Variants in ADGRF4 observed in about 807,000 individuals in gnomAD.
ADGRF4 encodes adhesion G protein-coupled receptor F4, also known as G-protein coupled receptor PGR18.
ADGRF4 carries 63 observed loss-of-function variants against 58.5 expected under a neutral mutation model. The ratio of observed to expected loss-of-function variants is 1.08; its 90% CI spans 0.88 to 1.33. ADGRF4 has a LOEUF of 1.33. Among genes scored for constraint, ADGRF4 ranks in the 40% most tolerant of loss-of-function variants. The probability of loss-of-function intolerance (pLI) is 0.00; values close to 1 mark genes in which losing one functional copy is unlikely to be tolerated. For missense variants in ADGRF4, 931 were observed against 843.9 expected (o/e 1.10, Z -1.28); for synonymous variants, 313 against 295.4 (o/e 1.06, Z -0.61).
intron 1 of ADGRF4, among the ~76,000 whole-genome samples, chr6:47,703,528 T>C (rs1237590920): frequency 2.6e-5 from 4 of 152,230 alleles, no homozygotes; most frequent in Non-Finnish European, 5.9e-5. Context: ...TTGGGTAATG[T>C]CACTGAATAT....
Position 47,708,229 on chromosome 6 carries a change from A to T in ADGRF4, c.99A>T (p.Gly33=), listed in dbSNP as rs754151158. The T allele has an allele frequency of 6.2e-7, 1 of 1,611,740 alleles. No individual in the cohort carries two copies. Among genetic ancestry groups the T allele is most frequent in the Non-Finnish European group, 8.5e-7 (1 of 1,177,898 alleles). The change falls in exon 3 of 10, where the codon GGA becomes GGT. Residue 33 remains glycine (G), a synonymous_variant. Transcript: ENST00000283303. ...HYRSKIHLKA[G]DKLQSPEGKP... ...TGGGAATTTATATTTTTCAGGCTGG[A>T]GATAAACTTCAAAGCCCTGAAGGGA... is the stretch of plus-strand genomic sequence containing the variant.
intron 1 of ADGRF4, among the ~76,000 whole-genome samples, chr6:47,699,936 C>T (rs367661741): frequency 9.0e-6 from 1 of 111,552 alleles, no homozygotes. Flanking sequence ...ACGACACACC[C>T]CCCCCCCCAA....
chr6:47,721,020 C>T (rs1251973433), intron 9 of ADGRF4, among the ~76,000 whole-genome samples, 189 bp from the exon 10 acceptor site: 2 of 152,094 alleles, frequency 1.3e-5, no homozygotes, highest in African/African-American at 4.8e-5. Context: ...CTGGGAGAAT[C>T]GCCTTTTTAC....
chr6:47,700,002 G>C (rs915455224), intron 1 of ADGRF4, among the ~76,000 whole-genome samples: 1 of 151,804 alleles, frequency 6.6e-6, no homozygotes, highest in African/African-American at 2.4e-5. Flanking sequence ...TCTTTGGATT[G>C]GTTGTTCCCA....
intron 1 of ADGRF4, among the ~76,000 whole-genome samples, chr6:47,704,793 A>C (rs1771668472): frequency 6.6e-6 from 1 of 152,202 alleles, no homozygotes; most frequent in South Asian, 2.1e-4. Flanking sequence ...TTTACATAAA[A>C]ATCGTAAAGA....
At chr6:47,713,730 T>C in intron 5 of ADGRF4, 68 bp from the exon 6 acceptor site, 2 of 1,274,854 alleles carry the variant, frequency 1.6e-6, no homozygotes, top group Non-Finnish European at 2.1e-6. Flanking sequence ...AAATTTCAGG[T>C]TTTAGAAATC....
chr6:47,707,243 T>A lies in ADGRF4; in HGVS notation c.-3T>A. The A allele has an allele frequency of 1.3e-6, 2 of 1,596,742 alleles. No homozygotes were observed. The highest frequency in any genetic ancestry group is 8.6e-7 in the Non-Finnish European group (1 of 1,164,218). On this transcript the variant is annotated 5_prime_UTR_variant, in exon 2 of 10. An upstream start codon of the reference 5' UTR is lost. Coordinates refer to ENST00000283303, the MANE Select transcript of ADGRF4 (RefSeq NM_153838.5). ...TCTCTATTGCAGGTGAAGATCCTCA[T>A]GTATGAAAATGAAGTCCCAGGCAAC... is the stretch of plus-strand genomic sequence containing the variant.
rs1267656530 is a variant in ADGRF4 at position 47,715,013 on chromosome 6, G to A, written c.1768G>A (p.Gly590Ser). The part of the protein sequence containing the change: ...VAVNTQRPSI[G>S]SSKSQDVVII... ...TGTCAACACTCAGAGGCCCTCTATT[G>A]GCAGTTCCAAGTCTCAGGATGTGGT... The change falls in exon 6 of 10, where the codon GGC becomes AGC. Residue 590 changes from glycine to serine, a missense_variant. Gly to Ser is a moderately conservative substitution (Grantham distance 56, BLOSUM62 0). Coordinates refer to ENST00000283303, the MANE Select transcript of ADGRF4 (RefSeq NM_153838.5). The A allele has an allele frequency of 1.9e-6, 3 of 1,613,156 alleles. No individual in the cohort carries two copies. The highest frequency in any genetic ancestry group is 1.1e-5 in the South Asian group (1 of 91,072).
chr6:47,699,305 G>T (rs1351903070), intron 1 of ADGRF4, among the ~76,000 whole-genome samples: 1 of 152,212 alleles, frequency 6.6e-6, no homozygotes, highest in African/African-American at 2.4e-5. Flanking sequence ...CTACTTGAAG[G>T]TCTATATTCC....
At position 47,707,268 on chromosome 6, in the gene ADGRF4, C is replaced by T; in HGVS notation, c.23C>T (p.Thr8Ile). Residue 8 changes from threonine (T) to isoleucine (I), a missense_variant, in exon 2 of 10, where the codon ACC becomes ATC. Coordinates refer to ENST00000283303, the MANE Select transcript of ADGRF4 (RefSeq NM_153838.5). MKMKSQATMICCLVFFLS... is the reference protein window; with the variant it reads MKMKSQAIMICCLVFFLS... ...TGTATGAAAATGAAGTCCCAGGCAA[C>T]CATGATTTGCTGCTTAGTGTTCTTT... 2 of 1,612,818 alleles carry T rather than the reference C, an allele frequency of 1.2e-6. No homozygotes were observed. The highest frequency in any genetic ancestry group is 1.7e-6 in the Non-Finnish European group (2 of 1,178,832).
intron 2 of ADGRF4, among the ~76,000 whole-genome samples, chr6:47,707,848 T>C (rs948579557): frequency 6.6e-6 from 1 of 152,232 alleles, no homozygotes; most frequent in Non-Finnish European, 1.5e-5. Context: ...CTACAGTATC[T>C]GGTGGACCAC....
intron 1 of ADGRF4, among the ~76,000 whole-genome samples, chr6:47,701,477 C>A (rs1771587215): frequency 6.6e-6 from 1 of 152,128 alleles, no homozygotes; most frequent in South Asian, 2.1e-4. Context: ...TGTGGAGCTG[C>A]CCTTATTGGG....
chr6:47,710,400 T>TA (rs1217416149), intron 3 of ADGRF4, among the ~76,000 whole-genome samples: 1 of 152,242 alleles, frequency 6.6e-6, no homozygotes, highest in African/African-American at 2.4e-5. Flanking sequence ...TGTCTTCTGG[T>TA]AACTCCCACA....
intron 6 of ADGRF4, 42 bp downstream of exon 6, chr6:47,715,219 G>A (rs1486402624): frequency 7.3e-7 from 1 of 1,375,602 alleles, no homozygotes; most frequent in South Asian, 1.4e-5. Context: ...ACTCCGACTA[G>A]ACCACAAAAA....
In ADGRF4 at chr6:47,718,446, G is replaced by C; in HGVS notation, c.*3+1G>C. On this transcript the variant is annotated splice_donor_variant, in intron 9 of 9. Coordinates refer to ENST00000283303, the MANE Select transcript of ADGRF4 (RefSeq NM_153838.5). LOFTEE classifies it low-confidence loss of function (3UTR_SPLICE). ...ATTAATGAATCGTCAAGGATGAAATGTGAGTATTAAAAATATAAAGAGAAA... is the reference window on the plus strand; with the variant it reads ...ATTAATGAATCGTCAAGGATGAAATCTGAGTATTAAAAATATAAAGAGAAA... The C allele has an allele frequency of 6.5e-7, 1 of 1,540,050 alleles. No individual in the cohort carries two copies. The highest frequency in any genetic ancestry group is 2.2e-5 in the East Asian group (1 of 44,542).
chr6:47,701,780 T>C (rs1175098660), intron 1 of ADGRF4, among the ~76,000 whole-genome samples: 1 of 152,218 alleles, frequency 6.6e-6, no homozygotes, highest in Non-Finnish European at 1.5e-5. Context: ...GATAACATAT[T>C]GTGATGGAAT....
At chr6:47,702,947 T>C (rs1771621978) in intron 1 of ADGRF4, among the ~76,000 whole-genome samples, 1 of 152,224 alleles carries the variant, frequency 6.6e-6, no homozygotes, top group South Asian at 2.1e-4. Flanking sequence ...CAGGCTCCCA[T>C]ATGAAAGCTT....
Position 47,721,425 on chromosome 6 carries a change from A to C in ADGRF4, c.*220A>C, listed in dbSNP as rs1246634701. The C allele has an allele frequency of 6.6e-6, 1 of 152,220 alleles. No individual in the cohort carries two copies. The highest frequency in any genetic ancestry group is 1.5e-5 in the Non-Finnish European group (1 of 68,080). The allele number at this position is 152,220 out of a possible 1,614,324, so 9.4% of individuals were successfully genotyped here. On this transcript the variant is annotated 3_prime_UTR_variant, in exon 10 of 10. Coordinates refer to ENST00000283303, the MANE Select transcript of ADGRF4 (RefSeq NM_153838.5). ...AAGGAGCATGATTTATGGACCCCTT[A>C]ACCTACCCGTGCCCTGCAAGAGGCT...
chr6:47,709,474 C>A (rs1340682360), intron 3 of ADGRF4, among the ~76,000 whole-genome samples: 1 of 152,108 alleles, frequency 6.6e-6, no homozygotes, highest in Non-Finnish European at 1.5e-5. Context: ...TACTCTCTGG[C>A]TAGAATTACC....
Sources: gnomAD v4.1 joint callset for allele counts (sites outside exome capture counted in the v4.1 genomes callset) on GRCh38, gnomAD v4.1.1 for gene constraint, MANE v1.5 for transcripts, NCBI Gene and HGNC (gene_info 2026-07-23, HGNC 2026-07-21) for gene names.